The following SLC2A14 variants were observed in gnomAD, a reference collection of about 807,000 sequenced individuals.
SLC2A14 encodes the protein solute carrier family 2 member 14, also known as solute carrier family 2, facilitated glucose transporter member 14.
Under a neutral mutation model 43.0 loss-of-function variants are expected in SLC2A14, and 13 were observed. That is an observed-to-expected ratio of 0.30 (90% CI 0.20 to 0.48). The LOEUF (loss-of-function observed/expected upper bound fraction) is 0.48. Ranked by LOEUF, SLC2A14 falls within the 20% of genes least tolerant of loss-of-function variation. SLC2A14 has a pLI of 0.99. For missense variants in SLC2A14, 428 were observed against 620.4 expected (o/e 0.69, Z 3.29); for synonymous variants, 190 against 233.8 (o/e 0.81, Z 1.71).
At chr12:7,843,534 A>AG (rs1866177595) in intron 2 of SLC2A14, among the ~76,000 whole-genome samples, 1 of 124,840 alleles carries the variant, frequency 8.0e-6, no homozygotes, top group Non-Finnish European at 1.7e-5. Flanking sequence ...AAATGTAAAG[A>AG]CCCCCCTCCT....
intron 6 of SLC2A14, among the ~76,000 whole-genome samples, 174 bp from the exon 7 acceptor site, chr12:7,827,856 C>T (rs73254726): frequency 0.089 from 13,519 of 152,118 alleles, 1,514 homozygotes; most frequent in African/African-American, 0.25. Flanking sequence ...CAAGAGTAAT[C>T]AGAGCCCAGT....
At position 7,819,489 on chromosome 12, in the gene SLC2A14, A is replaced by G; in HGVS notation, c.1064T>C (p.Leu355Ser). 6.2e-7 allele frequency: 1 copy of G among 1,612,714 alleles called. No homozygotes were observed. The highest frequency in any genetic ancestry group is 8.5e-7 in the Non-Finnish European group (1 of 1,179,362). ...CACCCAAAGAGCACTTACCTTTAAT[A>G]ACAAAGAAACAGTCATGAGCGTGGA... ...FCSTLMTVSL[L>S]LKNHYNGMSF... The change falls in exon 9 of 11, where the codon TTA (leucine) becomes TCA (serine). Residue 355 changes from leucine to serine, a missense_variant. By Grantham distance (145) the Leu-to-Ser change is moderately radical (BLOSUM62 -2). Coordinates refer to ENST00000431042, the MANE Select transcript of SLC2A14 (RefSeq NM_001286234.2).
At chr12:7,849,539 C>T (rs780874873) in intron 2 of SLC2A14, among the ~76,000 whole-genome samples, 23 of 151,628 alleles carry the variant, frequency 1.5e-4, no homozygotes, top group Non-Finnish European at 8.8e-5. Context: ...CTTTCTAAAC[C>T]CAGAAAGAAT....
chr12:7,870,873 G>T, intron 1 of SLC2A14: 1 of 1,274,306 alleles, frequency 7.8e-7, no homozygotes. Flanking sequence ...GTGGACCAAA[G>T]CCAAGACCAC....
intron 2 of SLC2A14, among the ~76,000 whole-genome samples, chr12:7,868,120 A>G (rs907013587): frequency 2.0e-5 from 3 of 152,150 alleles, no homozygotes; most frequent in Non-Finnish European, 4.4e-5. Context: ...TTACTTAAAT[A>G]AATTGCTACA....
chr12:7,845,407 G>A (rs1592233962), intron 2 of SLC2A14, among the ~76,000 whole-genome samples: 1 of 152,038 alleles, frequency 6.6e-6, no homozygotes, highest in African/African-American at 2.4e-5. Context: ...GCTTGACTTC[G>A]GAAATCATCT....
At chr12:7,864,122 T>C (rs1440565357) in intron 2 of SLC2A14, among the ~76,000 whole-genome samples, 4 of 151,802 alleles carry the variant, frequency 2.6e-5, no homozygotes, top group African/African-American at 9.7e-5. Context: ...GGCCACCACA[T>C]TGTTTTGATT....
At chr12:7,844,764 G>A (rs1031921960) in intron 2 of SLC2A14, among the ~76,000 whole-genome samples, 3 of 152,076 alleles carry the variant, frequency 2.0e-5, no homozygotes, top group Non-Finnish European at 4.4e-5. Flanking sequence ...TCGAACCCCT[G>A]ACTTCAGCTG....
At chr12:7,860,339 A>G (rs765459526) in intron 2 of SLC2A14, 58 of 152,296 alleles carry the variant, frequency 3.8e-4, no homozygotes, top group African/African-American at 1.4e-3. Flanking sequence ...GCGAGAGTAT[A>G]ATGAGGTCTA....
At chr12:7,844,178 T>C (rs7313616) in intron 2 of SLC2A14, among the ~76,000 whole-genome samples, 77,894 of 151,806 alleles carry the variant, frequency 0.51, 20,013 homozygotes, top group Middle Eastern at 0.62. Flanking sequence ...CCAGAAGAAA[T>C]TGCTATTTTT....
At chr12:7,825,328 C>T (rs1221451103) in intron 7 of SLC2A14, among the ~76,000 whole-genome samples, 4 of 149,792 alleles carry the variant, frequency 2.7e-5, no homozygotes, top group South Asian at 2.1e-4. Flanking sequence ...TGTGTGGTGT[C>T]GGCCGCCTGT....
intron 2 of SLC2A14, among the ~76,000 whole-genome samples, chr12:7,841,312 G>A (rs1865926949): frequency 6.6e-6 from 1 of 152,074 alleles, no homozygotes; most frequent in South Asian, 2.1e-4. Context: ...CCAGGCTGGA[G>A]TTCAGTGCCA....
intron 2 of SLC2A14, among the ~76,000 whole-genome samples, chr12:7,867,714 G>A (rs1209293033): frequency 4.6e-5 from 7 of 151,868 alleles, no homozygotes; most frequent in Non-Finnish European, 7.4e-5. Flanking sequence ...GTGTGGTGGC[G>A]TGCGCCTGTA....
intron 9 of SLC2A14, among the ~76,000 whole-genome samples, chr12:7,818,356 C>G (rs1037692087): frequency 3.3e-5 from 5 of 152,042 alleles, no homozygotes; most frequent in African/African-American, 1.2e-4. Context: ...GCTAATTAAA[C>G]AAAAGGTTTT....
At chr12:7,823,159 G>T (rs771584988) in intron 7 of SLC2A14, among the ~76,000 whole-genome samples, 1 of 152,182 alleles carries the variant, frequency 6.6e-6, no homozygotes, top group East Asian at 1.9e-4. Flanking sequence ...AAGGCTGGTG[G>T]ATAACCTGAG....
At chr12:7,883,619 G>A (rs1441196652) in intron 1 of SLC2A14, among the ~76,000 whole-genome samples, 11 of 106,534 alleles carry the variant, frequency 1.0e-4, no homozygotes, top group African/African-American at 3.1e-4. Flanking sequence ...TTTTTGAGAC[G>A]GGGTCTCTCT....
At chr12:7,835,194 C>T (rs900958067) in intron 2 of SLC2A14, among the ~76,000 whole-genome samples, 4 of 151,800 alleles carry the variant, frequency 2.6e-5, no homozygotes, top group Non-Finnish European at 5.9e-5. Flanking sequence ...CACCTACAGC[C>T]TGACCAGTAT....
In SLC2A14 at chr12:7,812,645, A is replaced by G. The variant is rs1863141419; in HGVS notation, c.*1671T>C. Reference sequence around the variant, plus strand: ...ACTTCCCTGCCTTACTGCCAAACTGAGGAGCCAGAAGTTGACGTGAAGTTG... The same window carrying G: ...ACTTCCCTGCCTTACTGCCAAACTGGGGAGCCAGAAGTTGACGTGAAGTTG... On this transcript the variant is annotated 3_prime_UTR_variant, in exon 11 of 11. Coordinates refer to ENST00000431042, the MANE Select transcript of SLC2A14 (RefSeq NM_001286234.2). The G allele has an allele frequency of 6.6e-6, 1 of 152,202 alleles. No individual in the cohort carries two copies. The highest frequency in any genetic ancestry group is 2.1e-4 in the South Asian group (1 of 4,836). The allele number at this position is 152,202 out of a possible 1,614,324, so 9.4% of individuals were successfully genotyped here.
At chr12:7,837,839 C>A (rs1290751629) in intron 2 of SLC2A14, among the ~76,000 whole-genome samples, 1 of 151,952 alleles carries the variant, frequency 6.6e-6, no homozygotes, top group Admixed American at 6.6e-5. Flanking sequence ...CTCACTGCAA[C>A]CTCCACCTCC....
Sources: gnomAD v4.1 joint callset for allele counts (sites outside exome capture counted in the v4.1 genomes callset) on GRCh38, gnomAD v4.1.1 for gene constraint, MANE v1.5 for transcripts, NCBI Gene and HGNC (gene_info 2026-07-23, HGNC 2026-07-21) for gene names.